Variants in ATP6V1G3 observed in about 807,000 individuals in gnomAD.
The protein encoded by ATP6V1G3 is V-type proton ATPase subunit G 3.
ATP6V1G3 carries 9 observed loss-of-function variants against 9.3 expected under a neutral mutation model. The observed-to-expected ratio is 0.97, with a 90% CI of 0.59 to 1.69. The LOEUF is 1.69. ATP6V1G3 is among the 40% of genes most tolerant of loss of function. ATP6V1G3 has a pLI of 0.00. For synonymous variants in ATP6V1G3, 43 were observed against 43.8 expected (o/e 0.98, Z 0.07); for missense variants, 133 against 139.0 (o/e 0.96, Z 0.22).
chr1:198,533,559 C>T (rs1349313373), intron 1 of ATP6V1G3, among the ~76,000 whole-genome samples: 1 of 152,090 alleles, frequency 6.6e-6, no homozygotes, highest in South Asian at 2.1e-4. Context: ...GGGATGGAGT[C>T]AATACTGCAA....
intron 1 of ATP6V1G3, among the ~76,000 whole-genome samples, chr1:198,537,946 A>AACT (rs777976858): frequency 6.6e-4 from 101 of 152,336 alleles, no homozygotes; most frequent in Non-Finnish European, 1.1e-3. Context: ...AAGCTGTTGT[A>AACT]ACTATAAACT....
chr1:198,529,936 G>T (rs1324199556), intron 1 of ATP6V1G3, among the ~76,000 whole-genome samples: 5 of 152,048 alleles, frequency 3.3e-5, no homozygotes, highest in Non-Finnish European at 7.4e-5. Flanking sequence ...GAAAGTTTTA[G>T]ACGAATACAA....
intron 2 of ATP6V1G3, among the ~76,000 whole-genome samples, chr1:198,526,167 C>A (rs1179715335): frequency 6.6e-6 from 1 of 152,108 alleles, no homozygotes; most frequent in Non-Finnish European, 1.5e-5. Context: ...AATGACTAGT[C>A]ATACACTATT....
chr1:198,536,320 C>G (rs896171402), intron 1 of ATP6V1G3, among the ~76,000 whole-genome samples: 3 of 152,090 alleles, frequency 2.0e-5, no homozygotes, highest in Admixed American at 6.5e-5. Context: ...TTCAGAGAAA[C>G]ACAAGTCTCT....
intron 1 of ATP6V1G3, among the ~76,000 whole-genome samples, chr1:198,535,999 AT>A (rs79465930): frequency 1.9e-4 from 28 of 151,210 alleles, no homozygotes; most frequent in Middle Eastern, 6.8e-3. Flanking sequence ...GAAAATTTAC[AT>A]TTTTTTTTGC....
intron 1 of ATP6V1G3, among the ~76,000 whole-genome samples, chr1:198,535,708 A>C (rs1220490088): frequency 1.3e-5 from 2 of 152,134 alleles, no homozygotes; most frequent in African/African-American, 4.8e-5. Context: ...AACTCAGTTA[A>C]TCATGACAAC....
At chr1:198,533,317 A>C (rs1361313492) in intron 1 of ATP6V1G3, among the ~76,000 whole-genome samples, 1 of 151,902 alleles carries the variant, frequency 6.6e-6, no homozygotes, top group East Asian at 1.9e-4. Context: ...AAAAAAAAAA[A>C]ATTTCTTTGG....
chr1:198,523,498 G>A lies in ATP6V1G3; in HGVS notation c.250C>T (p.Leu84Phe). 6.2e-7 allele frequency: 1 copy of A among 1,613,494 alleles called. No individual in the cohort carries two copies. Among genetic ancestry groups the A allele is most frequent in the Non-Finnish European group, 8.5e-7 (1 of 1,179,724 alleles). ...EEQTLGKIQE[L>F]NGHYNKYMES... The stretch of plus-strand genomic sequence containing the variant: ...ATATACTTATTGTAGTGTCCATTAA[G>A]TTCTTGTATCTTCCCTAGTGTTTGT... The change falls in exon 3 of 3, where the codon CTT becomes TTT. Residue 84 changes from leucine (L) to phenylalanine (F), a missense_variant. Leu to Phe is a conservative substitution (Grantham distance 22). Transcript: ENST00000367382.
At chr1:198,533,156 T>C (rs1264188710) in intron 1 of ATP6V1G3, among the ~76,000 whole-genome samples, 1 of 151,708 alleles carries the variant, frequency 6.6e-6, no homozygotes, top group East Asian at 1.9e-4. Context: ...ATACAAAAAT[T>C]AGGTGGACAT....
At position 198,540,602 on chromosome 1, in the gene ATP6V1G3, G is replaced by C. The variant is rs145635563; in HGVS notation, c.49C>G (p.Arg17Gly). 1 of 1,614,050 alleles carries C rather than the reference G, an allele frequency of 6.2e-7. No homozygotes were observed. The highest frequency in any genetic ancestry group is 1.3e-5 in the African/African-American group (1 of 75,028). ...GCTTCCTCTAGCTTGTCCTTGGCCC[G>C]TTTTTCTGCCTGAAGAAGCTGGTGG... Reference protein sequence around the residue: ...GIHQLLQAEKRAKDKLEEAKK... With the variant: ...GIHQLLQAEKGAKDKLEEAKK... Residue 17 changes from arginine to glycine, a missense_variant, in exon 1 of 3, where the codon CGG becomes GGG. By Grantham distance (125) the Arg-to-Gly change is moderately radical. Coordinates refer to ENST00000367382, the MANE Select transcript of ATP6V1G3 (RefSeq NM_001376861.1).
chr1:198,527,055 A>G (rs898411889), intron 2 of ATP6V1G3, among the ~76,000 whole-genome samples: 4 of 152,174 alleles, frequency 2.6e-5, no homozygotes, highest in Admixed American at 6.6e-5. Context: ...AATCACATAT[A>G]TTAACAAGAG....
chr1:198,524,470 T>C (rs891643032), intron 2 of ATP6V1G3, among the ~76,000 whole-genome samples: 1 of 152,212 alleles, frequency 6.6e-6, no homozygotes, highest in Non-Finnish European at 1.5e-5. Context: ...GAACACTTAG[T>C]GTAAGTTGTA....
At position 198,529,542 on chromosome 1, in the gene ATP6V1G3, T is replaced by C. The variant is rs573551211; in HGVS notation, c.83-361A>G. The stretch of plus-strand genomic sequence containing the variant: ...CCAGAGAACAGATTTTAGCTGTCAC[T>C]TACTCAAAAAGACATTATTTGGTCA... On this transcript the variant is annotated intron_variant, in intron 1 of 2. Transcript: ENST00000367382. Among the ~76,000 whole-genome samples the C allele has an allele frequency of 2.6e-5, 4 of 152,202 alleles. No homozygotes were observed. In the East Asian group the frequency reaches 5.8e-4, roughly 22 times the overall value.
intron 1 of ATP6V1G3, among the ~76,000 whole-genome samples, chr1:198,532,375 C>G (rs145714244): frequency 1.3e-5 from 2 of 152,084 alleles, no homozygotes; most frequent in Non-Finnish European, 2.9e-5. Flanking sequence ...AGGATATGGC[C>G]AGCAGTATCA....
intron 2 of ATP6V1G3, among the ~76,000 whole-genome samples, chr1:198,528,582 A>C (rs983510244): frequency 2.0e-5 from 3 of 152,144 alleles, no homozygotes; most frequent in Non-Finnish European, 2.9e-5. Flanking sequence ...TGAAAGATTT[A>C]TTGAATGAGT....
At position 198,523,331 on chromosome 1, in the gene ATP6V1G3, C is replaced by A; in HGVS notation, c.*60G>T. 6.6e-7 allele frequency: 1 copy of A among 1,507,618 alleles called. No individual in the cohort carries two copies. The highest frequency in any genetic ancestry group is 9.0e-7 in the Non-Finnish European group (1 of 1,112,666). The allele number at this position is 1,507,618 out of a possible 1,614,324, so 93.4% of individuals were successfully genotyped here. Reference sequence around the variant, plus strand: ...AATTTCTCAACATAAAAATACGAAGCCATAAGCAACCAGGTGGCACTCACA... The same window carrying A: ...AATTTCTCAACATAAAAATACGAAGACATAAGCAACCAGGTGGCACTCACA... On this transcript the variant is annotated 3_prime_UTR_variant, in exon 3 of 3. Transcript: ENST00000367382.
rs571367843 is a variant in ATP6V1G3 at position 198,528,271 on chromosome 1, G to T, written c.183+810C>A. Among the ~76,000 whole-genome samples, 10 of 152,140 alleles carry T rather than the reference G, an allele frequency of 6.6e-5. No individual in the cohort carries two copies. In the South Asian group the frequency reaches 1.9e-3, roughly 28 times the overall value. ...TGGTCCAATTTATCTGATCCTACAT[G>T]AACTCCTTATCCATTACCATTAAAA... On this transcript the variant is annotated intron_variant, in intron 2 of 2. Transcript: ENST00000367382.
At chr1:198,540,544 C>G in intron 1 of ATP6V1G3, 25 bp downstream of exon 1, 1 of 1,603,650 alleles carries the variant, frequency 6.2e-7, no homozygotes, top group Non-Finnish European at 8.5e-7. Context: ...TATTTCGTGA[C>G]AGACCCCTCA....
At chr1:198,524,979 G>C (rs1390944162) in intron 2 of ATP6V1G3, among the ~76,000 whole-genome samples, 1 of 152,120 alleles carries the variant, frequency 6.6e-6, no homozygotes, top group Non-Finnish European at 1.5e-5. Context: ...TGAGGCGCTT[G>C]GGTTCAAGTT....
Sources: allele counts gnomAD v4.1 joint callset (sites outside exome capture counted in the v4.1 genomes callset), GRCh38; gene constraint gnomAD v4.1.1; transcripts MANE v1.5; gene names NCBI Gene and HGNC (gene_info 2026-07-23, HGNC 2026-07-21).